USP24: variants seen among roughly 807,000 people sequenced by gnomAD.
USP24 encodes ubiquitin carboxyl-terminal hydrolase 24.
A neutral mutation model predicts 361.6 loss-of-function variants in USP24; 97 were observed. The ratio of observed to expected loss-of-function variants is 0.27; its 90% confidence interval spans 0.23 to 0.32. The LOEUF (loss-of-function observed/expected upper bound fraction) is 0.32, where lower values mean the gene tolerates loss of function less well. Ranked by LOEUF, USP24 falls within the 10% of genes least tolerant of loss-of-function variation. The pLI is 1.00. For missense variants in USP24, 2,353 were observed against 3,165.6 expected (o/e 0.74, Z 6.16); for synonymous variants, 1,098 against 1,124.6 (o/e 0.98, Z 0.47).
At chr1:55,141,370 G>C (rs1235655985) in intron 24 of USP24, among the ~76,000 whole-genome samples, 1 of 152,190 alleles carries the variant, frequency 6.6e-6, no homozygotes, top group East Asian at 1.9e-4. Context: ...CTGTCCACCA[G>C]GTAGAAGGAT....
At chr1:55,182,282 C>A (rs369638383) in intron 1 of USP24, among the ~76,000 whole-genome samples, 1 of 152,186 alleles carries the variant, frequency 6.6e-6, no homozygotes, top group Non-Finnish European at 1.5e-5. Flanking sequence ...GATCTCTTGA[C>A]CTCATCGTGA....
chr1:55,084,285 A>G (rs2100440465), intron 56 of USP24: 1 of 169,994 alleles, frequency 5.9e-6, no homozygotes, highest in East Asian at 1.9e-4. Flanking sequence ...GCAAAGAATA[A>G]AAAACACAGA....
In USP24 at chr1:55,079,670, C is replaced by T. The variant is rs1226804110; in HGVS notation, c.7079-11G>A. On this transcript the variant is annotated splice_polypyrimidine_tract_variant and intron_variant, in intron 59 of 67. Coordinates refer to ENST00000294383, the MANE Select transcript of USP24 (RefSeq NM_015306.3). ...TAAATATGCCAGGAGCTTTAGGAGA[C>T]CAAAGAAACAAAACAGAACCTGTCT... 1 of 1,533,792 alleles carries T rather than the reference C, an allele frequency of 6.5e-7. No homozygotes were observed. Among genetic ancestry groups the T allele is most frequent in the South Asian group, 1.3e-5 (1 of 76,024 alleles).
At chr1:55,087,885 G>T (rs1645286829) in intron 55 of USP24, among the ~76,000 whole-genome samples, 1 of 152,214 alleles carries the variant, frequency 6.6e-6, no homozygotes, top group African/African-American at 2.4e-5. Context: ...ACTATGTGAA[G>T]AGGGGAGGAT....
chr1:55,134,180 A>G lies in USP24; in HGVS notation c.3288-17T>C. The G allele has an allele frequency of 6.2e-7, 1 of 1,610,832 alleles. No homozygotes were observed. Among genetic ancestry groups the G allele is most frequent in the Non-Finnish European group, 8.5e-7 (1 of 1,178,302 alleles). ...AGAGTTATCCTGAAGTTTTTCAAAT[A>G]CAAATTTTTTCATATAAGCCATAGT... On this transcript the variant is annotated splice_polypyrimidine_tract_variant and intron_variant, in intron 29 of 67. Coordinates refer to ENST00000294383, the MANE Select transcript of USP24 (RefSeq NM_015306.3).
intron 1 of USP24, among the ~76,000 whole-genome samples, chr1:55,197,599 T>C (rs1216715588): frequency 6.6e-6 from 1 of 152,210 alleles, no homozygotes; most frequent in Non-Finnish European, 1.5e-5. Flanking sequence ...CATCAAATAC[T>C]GAGCTGTAGT....
chr1:55,195,548 C>A (rs1644392402), intron 1 of USP24, among the ~76,000 whole-genome samples: 1 of 152,164 alleles, frequency 6.6e-6, no homozygotes, highest in Non-Finnish European at 1.5e-5. Context: ...TAAGAAATTA[C>A]AATTTCTTGT....
chr1:55,177,665 T>C (rs1344241409), intron 2 of USP24, among the ~76,000 whole-genome samples: 1 of 151,122 alleles, frequency 6.6e-6, no homozygotes, highest in Non-Finnish European at 1.5e-5. Flanking sequence ...TTTCTTCTCT[T>C]AAAAAAAAAG....
In USP24 at chr1:55,121,232, T is replaced by C. The variant is rs184143841; in HGVS notation, c.4347+204A>G. Among the ~76,000 whole-genome samples, 29 of 152,318 alleles carry C rather than the reference T, an allele frequency of 1.9e-4. No individual in the cohort carries two copies. In the South Asian group the frequency reaches 5.0e-3, roughly 26 times the overall value. On this transcript the variant is annotated intron_variant, in intron 37 of 67. Transcript: ENST00000294383. ...CTTACTAACATTAGTCTCATAACTT[T>C]TGGTGGCATATGGAGGAGGTAGTAG...
chr1:55,113,158 AAG>A (rs111509754), intron 38 of USP24, among the ~76,000 whole-genome samples: 18,052 of 152,048 alleles, frequency 0.12, 2,110 homozygotes, highest in African/African-American at 0.31. Context: ...TAAAGAAGAA[AAG>A]AGAGAAGAAT....
chr1:55,120,841 G>C, intron 37 of USP24, 85 bp from the exon 38 acceptor site: 1 of 1,412,888 alleles, frequency 7.1e-7, no homozygotes, highest in Non-Finnish European at 9.3e-7. Flanking sequence ...CCAAAGTCCA[G>C]CCTATTTAGT....
rs762897856 is a variant in USP24 at position 55,078,644 on chromosome 1, A to G, written c.7208T>C (p.Phe2403Ser). 5 of 1,605,908 alleles carry G rather than the reference A, an allele frequency of 3.1e-6. No individual in the cohort carries two copies. The Admixed American group carries it at 8.5e-5, about 27-fold the overall frequency. ...CGAGCCTGTCAGCTCCCGCAAAGCAAACATTACCTGGTGGGAAGACATAAC... is the reference window on the plus strand; with the variant it reads ...CGAGCCTGTCAGCTCCCGCAAAGCAGACATTACCTGGTGGGAAGACATAAC... ...EGKPYLLEVM[F>S]ALRELTGSLL... The change falls in exon 61 of 68, where the codon TTT becomes TCT. Residue 2403 changes from phenylalanine to serine, a missense_variant. Around this residue, in one of 8 missense-constraint regions of USP24, gnomAD observed 598 missense variants for 761.9 expected, o/e 0.78. Coordinates refer to ENST00000294383, the MANE Select transcript of USP24 (RefSeq NM_015306.3).
intron 32 of USP24, among the ~76,000 whole-genome samples, chr1:55,126,371 C>T (rs1402684797): frequency 6.6e-6 from 1 of 152,136 alleles, no homozygotes; most frequent in Admixed American, 6.5e-5. Context: ...TCCTGATCAC[C>T]CTACTGAAAA....
chr1:55,163,837 C>T (rs945345780), intron 7 of USP24, among the ~76,000 whole-genome samples: 1 of 151,910 alleles, frequency 6.6e-6, no homozygotes, highest in Non-Finnish European at 1.5e-5. Flanking sequence ...TGAAGGTTGA[C>T]TTTTCATATA....
chr1:55,101,664 C>T lies in USP24; in HGVS notation c.5065G>A (p.Val1689Met). ...PVDSRSSSGF[V>M]GLRNGGATCY... ...GTTGCACCACCATTTCTCAGCCCCA[C>T]AAACCCTGAACTGGACCTGCTATCC... Residue 1689 changes from valine (V) to methionine (M), a missense_variant, in exon 43 of 68, where the codon GTG becomes ATG. By Grantham distance (21) the Val-to-Met change is conservative. Coordinates refer to ENST00000294383, the MANE Select transcript of USP24 (RefSeq NM_015306.3). 3 of 1,613,116 alleles carry T rather than the reference C, an allele frequency of 1.9e-6. No homozygotes were observed. Among genetic ancestry groups the T allele is most frequent in the Non-Finnish European group, 1.7e-6 (2 of 1,179,606 alleles).
intron 30 of USP24, 93 bp downstream of exon 30, chr1:55,133,977 T>C (rs1310173490): frequency 9.1e-7 from 1 of 1,104,830 alleles, no homozygotes. Context: ...ATGGGAAAGA[T>C]GGTATCATAT....
chr1:55,078,861 T>G (rs1645082034), intron 60 of USP24, among the ~76,000 whole-genome samples: 1 of 152,062 alleles, frequency 6.6e-6, no homozygotes, highest in African/African-American at 2.4e-5. Context: ...AATGTGCACT[T>G]TTTCAGGAGT....
rs750423783 is a variant in USP24 at position 55,072,375 on chromosome 1, C to G, written c.7631G>C (p.Ser2544Thr). The stretch of plus-strand genomic sequence containing the variant: ...AGTTGATGTTTCATTAGAGACATTA[C>G]TCTGTGGTGTCCAGTAATGTTCTGA... ...KMSEHYWTPQ[S>T]NVSNETSTGK... is the part of the protein sequence containing the mutation. The change falls in exon 66 of 68, where the codon AGT (serine) becomes ACT (threonine). Residue 2544 changes from serine to threonine, a missense_variant. Ser to Thr is a moderately conservative substitution (Grantham distance 58). This residue lies in a region of USP24 where 598 missense variants were observed against 761.9 expected (regional missense o/e 0.78). Coordinates refer to ENST00000294383, the MANE Select transcript of USP24 (RefSeq NM_015306.3). The G allele has an allele frequency of 6.2e-7, 1 of 1,613,584 alleles. No homozygotes were observed. The highest frequency in any genetic ancestry group is 1.1e-5 in the South Asian group (1 of 91,036).
chr1:55,100,826 C>T lies in USP24; in HGVS notation c.5271+13G>A, dbSNP rs368391823. The T allele has an allele frequency of 4.4e-6, 7 of 1,593,562 alleles. No individual in the cohort carries two copies. Among genetic ancestry groups the T allele is most frequent in the Admixed American group, 3.6e-5 (2 of 55,634 alleles). ...TAACATCTTTAAATCTCAAGAGTTACTGGGTGAAATACCTTCCAAAAATTC... is the reference window on the plus strand; with the variant it reads ...TAACATCTTTAAATCTCAAGAGTTATTGGGTGAAATACCTTCCAAAAATTC... On this transcript the variant is annotated intron_variant, in intron 44 of 67. Transcript: ENST00000294383.
Sources: allele counts gnomAD v4.1 joint callset (sites outside exome capture counted in the v4.1 genomes callset), GRCh38; gene constraint gnomAD v4.1.1; regional missense constraint gnomAD v4.1.1; transcripts MANE v1.5; gene names NCBI Gene and HGNC (gene_info 2026-07-23, HGNC 2026-07-21).